The following TEX11 variants were observed in gnomAD, a reference collection of about 807,000 sequenced individuals.
TEX11 encodes testis expressed 11.
In TEX11, 7 loss-of-function variants were observed where a neutral mutation model predicts 84.4. The observed-to-expected ratio is 0.08, with a 90% confidence interval of 0.05 to 0.16. The LOEUF is 0.16. Ranked by LOEUF, TEX11 falls within the 10% of genes least tolerant of loss-of-function variation. The pLI is 1.00. For missense variants in TEX11, 551 were observed against 660.5 expected, an observed-to-expected ratio of 0.83 and a Z score of 1.82; for synonymous variants, 264 against 222.8, an observed-to-expected ratio of 1.18 and a Z score of -1.64.
At chrX:70,801,300 T>C (rs779981748) in intron 9 of TEX11, among the ~76,000 whole-genome samples, 29 of 112,100 alleles carry the variant, frequency 2.6e-4, no homozygotes, top group Non-Finnish European at 4.3e-4. Flanking sequence ...AGCAGTAAAA[T>C]GAGGACTAAG....
chrX:70,836,749 G>A (rs1385882808), intron 7 of TEX11, among the ~76,000 whole-genome samples: 1 of 112,251 alleles, frequency 8.9e-6, no homozygotes, highest in African/African-American at 3.2e-5. Flanking sequence ...GGGTGCAGTG[G>A]CTCACACCTG....
chrX:70,580,069 A>G (rs1263893285), intron 25 of TEX11, among the ~76,000 whole-genome samples: 2 of 112,532 alleles, frequency 1.8e-5, no homozygotes, highest in African/African-American at 6.4e-5. Context: ...CCATCAGCAG[A>G]TGAATGGATA....
intron 25 of TEX11, among the ~76,000 whole-genome samples, chrX:70,565,070 T>A (rs1603071881): frequency 9.4e-6 from 1 of 106,337 alleles, no homozygotes; most frequent in African/African-American, 3.4e-5. Context: ...GCACCTGTTG[T>A]TTCCTGACTT....
chrX:70,569,819 G>A (rs902551584), intron 25 of TEX11, among the ~76,000 whole-genome samples: 3 of 111,407 alleles, frequency 2.7e-5, no homozygotes, highest in Admixed American at 9.5e-5. Context: ...TGCCCCTACT[G>A]GGGGGTGCCT....
At chrX:70,842,036 G>C (rs868704454) in intron 7 of TEX11, among the ~76,000 whole-genome samples, 1 of 110,804 alleles carries the variant, frequency 9.0e-6, no homozygotes, top group Non-Finnish European at 1.9e-5. Flanking sequence ...ATTCACAGCC[G>C]AATTCTACCA....
intron 9 of TEX11, among the ~76,000 whole-genome samples, chrX:70,782,990 A>T (rs1258734480): frequency 9.0e-6 from 1 of 111,438 alleles, no homozygotes; most frequent in Admixed American, 9.6e-5. Flanking sequence ...CCTAATAGAC[A>T]CCTACAGAAC....
chrX:70,757,686 G>A (rs1458987953), intron 9 of TEX11, among the ~76,000 whole-genome samples: 1 of 111,616 alleles, frequency 9.0e-6, no homozygotes, highest in Non-Finnish European at 1.9e-5. Context: ...TGTAAAGACC[G>A]TCTATGCTAG....
intron 15 of TEX11, among the ~76,000 whole-genome samples, chrX:70,676,923 G>T (rs1218545848): frequency 9.0e-6 from 1 of 111,367 alleles, no homozygotes; most frequent in Non-Finnish European, 1.9e-5. Flanking sequence ...AGTTTGATTT[G>T]GGTCTTTACG....
chrX:70,537,272 T>C (rs182518048), intron 28 of TEX11, among the ~76,000 whole-genome samples: 12 of 111,471 alleles, frequency 1.1e-4, no homozygotes, highest in African/African-American at 3.9e-4. Flanking sequence ...GCAGCCACTT[T>C]ACTTGAGTTT....
At chrX:70,749,037 T>A (rs1723426825) in intron 9 of TEX11, among the ~76,000 whole-genome samples, 1 of 101,759 alleles carries the variant, frequency 9.8e-6, no homozygotes, top group Non-Finnish European at 1.9e-5. Flanking sequence ...ACGATATCGA[T>A]TCTTCCTACC....
intron 25 of TEX11, among the ~76,000 whole-genome samples, chrX:70,579,215 G>A (rs939328177): frequency 1.0e-4 from 11 of 109,647 alleles, no homozygotes; most frequent in Admixed American, 7.8e-4. Flanking sequence ...TGGGCCGGGC[G>A]CGGTGGCTCA....
chrX:70,775,228 A>G (rs765417008), intron 9 of TEX11, among the ~76,000 whole-genome samples: 1 of 112,039 alleles, frequency 8.9e-6, no homozygotes, highest in South Asian at 3.7e-4. Context: ...ACCTAAAACT[A>G]TAAAACTACT....
At chrX:70,602,419 T>C (rs150701506) in intron 24 of TEX11, among the ~76,000 whole-genome samples, 43,811 of 102,064 alleles carry the variant, frequency 0.43, 8,245 homozygotes, top group East Asian at 0.6. Flanking sequence ...ATAAATGTAA[T>C]CCAGCATATA....
rs1186691898 is a variant in TEX11 at position 70,898,775 on chromosome X, T to C, written c.37+8978A>G. 6.4e-5 allele frequency among the ~76,000 whole-genome samples: 7 copies of C among 110,229 alleles called. No homozygotes were observed. The Admixed American group carries it at 6.8e-4, about 11-fold the overall frequency. On this transcript the variant is annotated intron_variant, in intron 2 of 29. Coordinates refer to ENST00000374333, the MANE Select transcript of TEX11 (RefSeq NM_031276.3). ...TGCCCGCCAGCACACTCAGCTAATT[T>C]TTTGTATTTTTAGTAGAGACGGGGT...
At chrX:70,636,949 A>G (rs1012713723) in intron 17 of TEX11, among the ~76,000 whole-genome samples, 3 of 112,242 alleles carry the variant, frequency 2.7e-5, no homozygotes, top group African/African-American at 9.7e-5. Flanking sequence ...AGAAGAAACC[A>G]TCATCAGAAT....
intron 13 of TEX11, among the ~76,000 whole-genome samples, chrX:70,692,440 C>T (rs5981003): frequency 0.19 from 21,206 of 109,726 alleles, 1,652 homozygotes; most frequent in African/African-American, 0.21. Context: ...CTCTCCCCCA[C>T]CTCCCAGCCC....
chrX:70,525,956 C>A (rs1367729090), downstream of TEX11, among the ~76,000 whole-genome samples: 1 of 111,194 alleles, frequency 9.0e-6, no homozygotes, highest in Non-Finnish European at 1.9e-5. Flanking sequence ...CTCCTCGGCG[C>A]GGCGGGGGTC....
At chrX:70,530,451 A>G (rs1404804138) in intron 28 of TEX11, among the ~76,000 whole-genome samples, 1 of 112,189 alleles carries the variant, frequency 8.9e-6, no homozygotes, top group Non-Finnish European at 1.9e-5. Context: ...TCATCTTCAG[A>G]GTTAACGATA....
Position 70,889,966 on chromosome X carries a change from C to T in TEX11, c.38-9857G>A, listed in dbSNP as rs754303824. On this transcript the variant is annotated intron_variant, in intron 2 of 29. Transcript: ENST00000374333. Reference sequence around the variant, plus strand: ...ATAACATTTAATGTAAATGGATTAACCTCTCAAATCAAAAGACATAGAGTG... The same window carrying T: ...ATAACATTTAATGTAAATGGATTAATCTCTCAAATCAAAAGACATAGAGTG... 6.3e-5 allele frequency among the ~76,000 whole-genome samples: 7 copies of T among 111,073 alleles called. No homozygotes were observed. The South Asian group carries it at 2.7e-3, about 42-fold the overall frequency.
Sources: gnomAD v4.1 joint callset for allele counts (sites outside exome capture counted in the v4.1 genomes callset) on GRCh38, gnomAD v4.1.1 for gene constraint, MANE v1.5 for transcripts, NCBI Gene and HGNC (gene_info 2026-07-23, HGNC 2026-07-21) for gene names.